MSI2: variants seen among roughly 807,000 people sequenced by gnomAD.
The protein encoded by MSI2 is RNA-binding protein Musashi homolog 2.
Under a neutral mutation model 45.6 loss-of-function variants are expected in MSI2, and 17 were observed. That is an observed-to-expected ratio of 0.37 (90% CI 0.26 to 0.56). The LOEUF (loss-of-function observed/expected upper bound fraction) is 0.56, where lower values mean the gene tolerates loss of function less well. Among genes scored for constraint, MSI2 ranks in the 20% least tolerant of loss-of-function variants. The pLI is 0.77. For synonymous variants in MSI2, 156 were observed against 158.2 expected (o/e 0.99, Z 0.11); for missense variants, 293 against 444.2 (o/e 0.66, Z 3.06).
chr17:57,637,032 C>T (rs936818895), intron 10 of MSI2, among the ~76,000 whole-genome samples: 1 of 152,220 alleles, frequency 6.6e-6, no homozygotes, highest in South Asian at 2.1e-4. Context: ...TGTCTCATCA[C>T]CAGCCCTCTA....
the MSI2 span, among the ~76,000 whole-genome samples, chr17:57,700,914 A>AG: frequency 6.6e-6 from 1 of 151,914 alleles, no homozygotes; most frequent in South Asian, 2.1e-4. Flanking sequence ...AAAAAAAAAA[A>AG]AAATTTAATA....
intron 6 of MSI2, among the ~76,000 whole-genome samples, chr17:57,502,636 T>TATATATATATATATATAGAGAGAG: frequency 2.1e-5 from 2 of 96,932 alleles, no homozygotes; most frequent in African/African-American, 3.5e-5. Flanking sequence ...TATATATATA[T>TATATATATATATATATAGAGAGAG]AGTCATCATT....
In MSI2 at chr17:57,652,048, G is replaced by C; in HGVS notation, c.728-51G>C. Reference sequence around the variant, plus strand: ...TGGCCCGTGACCTAGGTCTGTGCCTGGCCCTTTCAAGGATTCCTCCATGAC... The same window carrying C: ...TGGCCCGTGACCTAGGTCTGTGCCTCGCCCTTTCAAGGATTCCTCCATGAC... On this transcript the variant is annotated intron_variant, in intron 10 of 13. Transcript: ENST00000284073. This position sits in a 1 kb window ranked among gnomAD's most constrained non-coding sequence, Gnocchi z 4.1. 1 of 1,570,822 alleles carries C rather than the reference G, an allele frequency of 6.4e-7. No homozygotes were observed. The highest frequency in any genetic ancestry group is 1.3e-5 in the African/African-American group (1 of 74,136).
intron 6 of MSI2, among the ~76,000 whole-genome samples, chr17:57,414,929 C>A (rs1185733311): frequency 6.6e-6 from 1 of 152,124 alleles, no homozygotes; most frequent in Admixed American, 6.5e-5. Flanking sequence ...AGGGTAGACA[C>A]AGAGAAGGGA....
At chr17:57,363,554 A>G (rs1916976362) in intron 5 of MSI2, among the ~76,000 whole-genome samples, 1 of 152,336 alleles carries the variant, frequency 6.6e-6, no homozygotes, top group South Asian at 2.1e-4. Flanking sequence ...CATGGCCAAC[A>G]CGGAGAAACC....
chr17:57,595,393 C>T (rs1364313560), intron 7 of MSI2, among the ~76,000 whole-genome samples: 1 of 151,868 alleles, frequency 6.6e-6, no homozygotes, highest in African/African-American at 2.4e-5. Flanking sequence ...AGGTTCATAC[C>T]TTTGGGGAGA....
intron 5 of MSI2, chr17:57,267,384 A>G (rs1029481763): frequency 1.3e-5 from 2 of 152,184 alleles, no homozygotes; most frequent in Admixed American, 6.5e-5. Context: ...GCCGTTCCTC[A>G]CATGCTTTCG....
chr17:57,461,531 GGA>G, intron 6 of MSI2, among the ~76,000 whole-genome samples: 1 of 105,732 alleles, frequency 9.5e-6, no homozygotes, highest in Admixed American at 1.4e-4. Flanking sequence ...CCCAACTCTT[GGA>G]TTTTTTTTTT....
intron 7 of MSI2, among the ~76,000 whole-genome samples, chr17:57,558,823 G>A (rs1471781832): frequency 6.6e-6 from 1 of 152,182 alleles, no homozygotes; most frequent in Non-Finnish European, 1.5e-5. Context: ...CACTTTGGGA[G>A]GCCAAGGCGG....
intron 5 of MSI2, among the ~76,000 whole-genome samples, chr17:57,318,377 A>G (rs1174898226): frequency 6.6e-6 from 1 of 152,016 alleles, no homozygotes; most frequent in East Asian, 1.9e-4. Flanking sequence ...TGTCTCTCTC[A>G]TGGGACCGTG....
chr17:57,331,178 T>A (rs545786210), intron 5 of MSI2, among the ~76,000 whole-genome samples: 120 of 152,250 alleles, frequency 7.9e-4, no homozygotes, highest in Non-Finnish European at 8.7e-4. Context: ...CCTCCGAAAG[T>A]GCTGGGATTA....
intron 6 of MSI2, among the ~76,000 whole-genome samples, chr17:57,491,676 C>T (rs1280412020): frequency 6.6e-6 from 1 of 152,142 alleles, no homozygotes; most frequent in Non-Finnish European, 1.5e-5. Context: ...CAATGGCTGC[C>T]AATGCTCACT....
At chr17:57,517,976 C>A (rs984369785) in intron 6 of MSI2, among the ~76,000 whole-genome samples, 4 of 152,138 alleles carry the variant, frequency 2.6e-5, no homozygotes, top group African/African-American at 9.7e-5. Context: ...ACCAACTCTG[C>A]GTGTTTGTCA....
chr17:57,365,076 T>A (rs1362793202), intron 5 of MSI2: 2 of 152,204 alleles, frequency 1.3e-5, no homozygotes, highest in Non-Finnish European at 2.9e-5. Context: ...CCCAGCTAAC[T>A]TACTTTTATT....
At chr17:57,648,164 TGTGTGTGTG>T (rs1567958373) in intron 10 of MSI2, among the ~76,000 whole-genome samples, 130 of 150,146 alleles carry the variant, frequency 8.7e-4, no homozygotes, top group African/African-American at 3.1e-3. Context: ...TGTGTGTGTG[TGTGTGTGTG>T]TGTGTGTGTT....
At chr17:57,266,845 C>T (rs999564153) in intron 5 of MSI2, 1 of 152,090 alleles carries the variant, frequency 6.6e-6, no homozygotes, top group Non-Finnish European at 1.5e-5. Context: ...AGTAAAGTTA[C>T]GTTGGTTGCT....
At chr17:57,556,172 T>G (rs781034185) in intron 7 of MSI2, among the ~76,000 whole-genome samples, 1 of 152,258 alleles carries the variant, frequency 6.6e-6, no homozygotes, top group Non-Finnish European at 1.5e-5. Flanking sequence ...ATCAGTTTTC[T>G]TATTGAATTT....
intron 5 of MSI2, among the ~76,000 whole-genome samples, chr17:57,385,670 CA>C (rs893171607): frequency 2.0e-5 from 3 of 151,996 alleles, no homozygotes; most frequent in African/African-American, 7.2e-5. Flanking sequence ...AAAAACAAAA[CA>C]AAAAAACTCC....
chr17:57,429,354 G>A (rs2084552308), intron 6 of MSI2, among the ~76,000 whole-genome samples: 1 of 152,186 alleles, frequency 6.6e-6, no homozygotes, highest in East Asian at 1.9e-4. Context: ...CTCCCAGTGA[G>A]AAAAGGAGAG....
Sources: gnomAD v4.1 joint callset for allele counts (sites outside exome capture counted in the v4.1 genomes callset) on GRCh38, gnomAD v4.1.1 for gene constraint, Gnocchi (gnomAD v3.1) non-coding constraint, MANE v1.5 for transcripts, NCBI Gene and HGNC (gene_info 2026-07-23, HGNC 2026-07-21) for gene names.